ITGB1: variants seen among roughly 807,000 people sequenced by gnomAD.
ITGB1 encodes integrin subunit beta 1.
Under a neutral mutation model 86.5 loss-of-function variants are expected in ITGB1, and 24 were observed. The ratio of observed to expected loss-of-function variants is 0.28; its 90% CI spans 0.20 to 0.39. The LOEUF is 0.39. Ranked by LOEUF, ITGB1 falls within the 10% of genes least tolerant of loss-of-function variation. The pLI is 1.00. For synonymous variants in ITGB1, 323 were observed against 316.8 expected, an observed-to-expected ratio of 1.02 and a Z score of -0.21; for missense variants, 556 against 946.9, an observed-to-expected ratio of 0.59 and a Z score of 5.42.
intron 11 of ITGB1, among the ~76,000 whole-genome samples, chr10:32,913,961 A>T (rs2094922839): frequency 6.6e-6 from 1 of 152,244 alleles, no homozygotes; most frequent in Admixed American, 6.5e-5. Context: ...GACTAGCAGC[A>T]GATCTCTCGG....
chr10:32,943,153 C>T (rs936137450), intron 1 of ITGB1, among the ~76,000 whole-genome samples: 3 of 152,172 alleles, frequency 2.0e-5, no homozygotes, highest in African/African-American at 7.2e-5. Flanking sequence ...TTACTATAGA[C>T]ATCCAAGTGA....
chr10:32,937,061 A>G (rs2095004332), intron 1 of ITGB1, among the ~76,000 whole-genome samples: 1 of 152,190 alleles, frequency 6.6e-6, no homozygotes, highest in African/African-American at 2.4e-5. Context: ...CTACCCTCTA[A>G]TAATCCAGCT....
intron 1 of ITGB1, among the ~76,000 whole-genome samples, chr10:32,955,192 C>T (rs1395276977): frequency 6.6e-6 from 1 of 152,182 alleles, no homozygotes; most frequent in East Asian, 1.9e-4. Context: ...ATACCTCCCA[C>T]CTCTGAAAAA....
At chr10:32,913,747 A>T (rs1316164565) in intron 11 of ITGB1, among the ~76,000 whole-genome samples, 3 of 152,366 alleles carry the variant, frequency 2.0e-5, no homozygotes, top group Admixed American at 6.5e-5. Context: ...ATTTTTCAGG[A>T]TATTATCCAG....
chr10:32,934,734 C>T (rs1437918901), intron 2 of ITGB1, among the ~76,000 whole-genome samples: 9 of 151,764 alleles, frequency 5.9e-5, no homozygotes, highest in Non-Finnish European at 4.4e-5. Flanking sequence ...TTGTTATGTT[C>T]CTCAGTTTTT....
intron 11 of ITGB1, among the ~76,000 whole-genome samples, chr10:32,919,191 C>CTT (rs1194334333): frequency 6.6e-6 from 1 of 152,100 alleles, no homozygotes; most frequent in Non-Finnish European, 1.5e-5. Context: ...AGTCAATAGC[C>CTT]TTCTAAGCCT....
At chr10:32,923,453 AG>A (rs1213969660) in intron 7 of ITGB1, 131 bp downstream of exon 7, 2 of 615,026 alleles carry the variant, frequency 3.3e-6, no homozygotes, top group Admixed American at 7.3e-5. Flanking sequence ...ACTTTCAATC[AG>A]GACCCCTACT....
intron 11 of ITGB1, among the ~76,000 whole-genome samples, chr10:32,918,944 A>AAT (rs2094940396): frequency 6.6e-6 from 1 of 152,222 alleles, no homozygotes; most frequent in Non-Finnish European, 1.5e-5. Context: ...TAGAACACAT[A>AAT]ATGCTCATGG....
intron 1 of ITGB1, among the ~76,000 whole-genome samples, chr10:32,937,501 A>C (rs1272667646): frequency 6.9e-6 from 1 of 145,534 alleles, no homozygotes; most frequent in Non-Finnish European, 1.5e-5. Context: ...GGTTGCAGTG[A>C]GCCAAGATCG....
chr10:32,911,167 A>G (rs11009139), intron 13 of ITGB1, among the ~76,000 whole-genome samples: 1 of 152,376 alleles, frequency 6.6e-6, no homozygotes, highest in East Asian at 1.9e-4. Flanking sequence ...AAATTAAATT[A>G]AATCTTAATT....
chr10:32,909,725 T>G (rs2094907228), intron 14 of ITGB1, among the ~76,000 whole-genome samples: 1 of 151,804 alleles, frequency 6.6e-6, no homozygotes, highest in African/African-American at 2.4e-5. Flanking sequence ...CACAAAAACA[T>G]GTACACTATG....
intron 3 of ITGB1, 83 bp downstream of exon 3, chr10:32,932,432 A>G (rs989694173): frequency 1.1e-5 from 9 of 784,054 alleles, no homozygotes; most frequent in Admixed American, 4.1e-5. Flanking sequence ...ATAAAAATTA[A>G]TATGTGCTTC....
intron 1 of ITGB1, among the ~76,000 whole-genome samples, chr10:32,938,415 G>T (rs1253718211): frequency 6.6e-6 from 1 of 152,176 alleles, no homozygotes; most frequent in African/African-American, 2.4e-5. Context: ...GATCACTAGA[G>T]ACTGCTTTGA....
chr10:32,930,156 T>G, intron 3 of ITGB1, 112 bp from the exon 4 acceptor site: 1 of 638,024 alleles, frequency 1.6e-6, no homozygotes, highest in Non-Finnish European at 2.8e-6. Flanking sequence ...ACATCTAATG[T>G]ACCCCAATTC....
chr10:32,907,132 C>T (rs1197154847), intron 15 of ITGB1: 9 of 1,325,480 alleles, frequency 6.8e-6, no homozygotes, highest in South Asian at 1.2e-5. Context: ...TCTTGTAAAT[C>T]GGATTTTCTT....
intron 15 of ITGB1, chr10:32,906,398 C>CA (rs947302428): frequency 6.0e-6 from 1 of 166,602 alleles, no homozygotes; most frequent in Non-Finnish European, 1.3e-5. Flanking sequence ...AAGGCCAGCC[C>CA]AGCCAATGTG....
At chr10:32,945,598 C>CA (rs139599452) in intron 1 of ITGB1, among the ~76,000 whole-genome samples, 17,451 of 144,982 alleles carry the variant, frequency 0.12, 1,550 homozygotes, top group African/African-American at 0.26. Context: ...GACTCTGTCT[C>CA]AAAAAAAAAA....
chr10:32,915,048 C>G (rs1184678893), intron 11 of ITGB1, among the ~76,000 whole-genome samples: 1 of 152,178 alleles, frequency 6.6e-6, no homozygotes, highest in Non-Finnish European at 1.5e-5. Flanking sequence ...AACTAAATGA[C>G]CTGCTCCTGA....
At position 32,931,617 on chromosome 10, in the gene ITGB1, C is replaced by T. The variant is rs116579712; in HGVS notation, c.153+898G>A. On this transcript the variant is annotated intron_variant, in intron 3 of 15. Coordinates refer to ENST00000302278, the MANE Select transcript of ITGB1 (RefSeq NM_002211.4). The stretch of plus-strand genomic sequence containing the variant: ...CCCAACACACCACTTTTAGAAAACA[C>T]CATTAGAAAATTTTTGAAAAACAAC... Among the ~76,000 whole-genome samples the T allele has an allele frequency of 6.4e-3, 971 of 152,180 alleles. 12 individuals are homozygous for T. The highest frequency in any genetic ancestry group is 0.022 in the African/African-American group (932 of 41,548).
Sources: allele counts gnomAD v4.1 joint callset (sites outside exome capture counted in the v4.1 genomes callset), GRCh38; gene constraint gnomAD v4.1.1; transcripts MANE v1.5; gene names NCBI Gene and HGNC (gene_info 2026-07-23, HGNC 2026-07-21).